The following CELSR1 variants were observed in gnomAD, a reference collection of about 807,000 sequenced individuals.
CELSR1 encodes the protein adhesion G protein-coupled receptor C1.
A neutral mutation model predicts 249.1 loss-of-function variants in CELSR1; 110 were observed. The observed-to-expected ratio is 0.44, with a 90% CI of 0.38 to 0.52. The LOEUF is 0.52. Ranked by LOEUF, CELSR1 falls within the 20% of genes least tolerant of loss-of-function variation. The probability of loss-of-function intolerance (pLI) is 0.00; values close to 1 mark genes in which losing one functional copy is unlikely to be tolerated. For missense variants in CELSR1, 4,109 were observed against 4,296.4 expected (o/e 0.96, Z 1.22); for synonymous variants, 2,113 against 1,900.0 (o/e 1.11, Z -2.92).
Position 46,481,457 on chromosome 22 carries a change from C to A in CELSR1, c.3545-17112G>T, listed in dbSNP as rs532935825. The A allele has an allele frequency of 1.3e-4, 210 of 1,583,146 alleles. No homozygotes were observed. In the African/African-American group the frequency reaches 2.7e-3, roughly 20 times the overall value. ...TTCAACTGAAGCTCCTTACTCCCAG[C>A]ATCTATTGAATCTTTGGCTTTGTCG... On this transcript the variant is annotated intron_variant, in intron 1 of 34. Coordinates refer to ENST00000674500, the MANE Select transcript of CELSR1 (RefSeq NM_001378328.1).
chr22:46,489,324 T>C (rs559811682), intron 1 of CELSR1, among the ~76,000 whole-genome samples: 1 of 151,764 alleles, frequency 6.6e-6, no homozygotes, highest in East Asian at 2.0e-4. Flanking sequence ...GAGGGCACTT[T>C]TGACTATTAA....
At chr22:46,442,116 C>T (rs373032699) in intron 2 of CELSR1, among the ~76,000 whole-genome samples, 47 of 152,326 alleles carry the variant, frequency 3.1e-4, no homozygotes, top group African/African-American at 1.1e-3. Context: ...CCATTGCACT[C>T]CAGCCTGGGC....
intron 19 of CELSR1, among the ~76,000 whole-genome samples, chr22:46,386,103 G>A (rs983376243): frequency 1.3e-5 from 2 of 151,878 alleles, no homozygotes; most frequent in Non-Finnish European, 2.9e-5. Context: ...CTGAGTAGCT[G>A]GGATTACAGG....
At chr22:46,432,851 G>A (rs1213535205) in intron 5 of CELSR1, among the ~76,000 whole-genome samples, 1 of 152,116 alleles carries the variant, frequency 6.6e-6, no homozygotes, top group Non-Finnish European at 1.5e-5. Context: ...CGGGGTCCCT[G>A]TGTACCCCCC....
Position 46,518,546 on chromosome 22 carries a change from A to T in CELSR1, c.3544+15081T>A, listed in dbSNP as rs1010117116. Among the ~76,000 whole-genome samples the T allele has an allele frequency of 2.6e-5, 4 of 152,244 alleles. No homozygotes were observed. The highest frequency in any genetic ancestry group is 4.4e-5 in the Non-Finnish European group (3 of 68,036). ...TGAAGGCAGGCGTGGCAGTGGGTTC[A>T]CTACCCTGCCCCAATGCCCAGTACC... On this transcript the variant is annotated intron_variant, in intron 1 of 34. Coordinates refer to ENST00000674500, the MANE Select transcript of CELSR1 (RefSeq NM_001378328.1). This position sits in a 1 kb window ranked among gnomAD's most constrained non-coding sequence, Gnocchi z 5.2.
In CELSR1 at chr22:46,439,985, G is replaced by A. The variant is rs141891437; in HGVS notation, c.4184-574C>T. ...TCTGGCCACCCCTGGATTCCAACCC[G>A]GTTCTAATCTGGCCCGTCTCGCCCA... On this transcript the variant is annotated intron_variant, in intron 2 of 34. Coordinates refer to ENST00000674500, the MANE Select transcript of CELSR1 (RefSeq NM_001378328.1). Among the ~76,000 whole-genome samples the A allele has an allele frequency of 2.0e-3, 297 of 149,302 alleles. 1 individual carries two copies. The highest frequency in any genetic ancestry group is 0.016 in the South Asian group (74 of 4,498).
Position 46,463,933 on chromosome 22 carries a change from C to T in CELSR1, c.3957G>A (p.Val1319=). The T allele has an allele frequency of 1.2e-6, 2 of 1,614,022 alleles. No homozygotes were observed. The highest frequency in any genetic ancestry group is 1.7e-6 in the Non-Finnish European group (2 of 1,180,028). The part of the protein sequence containing the change: ...REPCENYMKC[V]SVLRFDSSAP... ...CGGAGCTGTCGAATCGCAGAACGGA[C>T]ACGCACTTCATGTAGTTCTCGCAGG... Residue 1319 remains valine (V), a synonymous_variant, in exon 2 of 35, where the codon GTG becomes GTA. Coordinates refer to ENST00000674500, the MANE Select transcript of CELSR1 (RefSeq NM_001378328.1).
chr22:46,416,009 T>C (rs1333123893), intron 5 of CELSR1, among the ~76,000 whole-genome samples: 1 of 151,000 alleles, frequency 6.6e-6, no homozygotes, highest in African/African-American at 2.5e-5. Flanking sequence ...AGCTCCCGAC[T>C]GTGGGGTGGC....
rs527750942 is a variant in CELSR1, at chr22:46,471,502, G to T, written c.3545-7157C>A. Among the ~76,000 whole-genome samples the T allele has an allele frequency of 6.6e-6, 1 of 152,226 alleles. No homozygotes were observed. The highest frequency in any genetic ancestry group is 2.1e-4 in the South Asian group (1 of 4,826). On this transcript the variant is annotated intron_variant, in intron 1 of 34. Coordinates refer to ENST00000674500, the MANE Select transcript of CELSR1 (RefSeq NM_001378328.1). This position sits in a 1 kb window ranked among gnomAD's most constrained non-coding sequence, Gnocchi z 4.9. ...GCTCCTGGGCTCAAGTGATCCTCCT[G>T]CCTCAGCCTCCTGAGAAGCTAGGAC... is the stretch of plus-strand genomic sequence containing the variant.
intron 24 of CELSR1, among the ~76,000 whole-genome samples, chr22:46,373,633 C>T (rs1056673521): frequency 5.4e-5 from 7 of 128,676 alleles, no homozygotes; most frequent in Admixed American, 3.3e-4. Context: ...GGAGGCTGAA[C>T]CAGCCAAATG....
At chr22:46,424,682 T>C (rs540495092) in intron 5 of CELSR1, among the ~76,000 whole-genome samples, 1 of 152,178 alleles carries the variant, frequency 6.6e-6, no homozygotes. Context: ...GTATTAAGAA[T>C]GTCATAAATG....
At chr22:46,378,530 G>C (rs996167159) in intron 23 of CELSR1, 61 bp downstream of exon 23, 6 of 1,519,290 alleles carry the variant, frequency 3.9e-6, no homozygotes, top group African/African-American at 1.4e-5. Context: ...GCAGGTTTGG[G>C]GGGGAGGGGC....
chr22:46,363,942 C>A lies in CELSR1; in HGVS notation c.9035+54G>T. On this transcript the variant is annotated intron_variant, in intron 34 of 34. Coordinates refer to ENST00000674500, the MANE Select transcript of CELSR1 (RefSeq NM_001378328.1). The surrounding 1 kb of genome is among the most constrained non-coding windows in gnomAD (Gnocchi z 4.3). Reference sequence around the variant, plus strand: ...GACCACTGCCCCCTCTCTCTCCTGACTCAGGACAAGGGGGAAGTGGGTGAT... The same window carrying A: ...GACCACTGCCCCCTCTCTCTCCTGAATCAGGACAAGGGGGAAGTGGGTGAT... 1 of 1,502,384 alleles carries A rather than the reference C, an allele frequency of 6.7e-7. No individual in the cohort carries two copies. 93.1% of individuals were successfully genotyped at this position (1,502,384 alleles called of 1,614,324 possible).
chr22:46,364,549 G>T lies in CELSR1; in HGVS notation c.8742C>A (p.Ala2914=). 1 of 1,611,988 alleles carries T rather than the reference G, an allele frequency of 6.2e-7. No individual in the cohort carries two copies. The highest frequency in any genetic ancestry group is 1.1e-5 in the South Asian group (1 of 91,038). The change falls in exon 33 of 35, where the codon GCC becomes GCA. Residue 2914 remains alanine, a synonymous_variant. Coordinates refer to ENST00000674500, the MANE Select transcript of CELSR1 (RefSeq NM_001378328.1). ...YPPDQESGGA[A]RLASSQPPEQ... ...CTGGGGGCTGGCTGCTAGCAAGCCTGGCTGCGCCCCCGCTCTCCTGGTCCG... is the reference window on the plus strand; with the variant it reads ...CTGGGGGCTGGCTGCTAGCAAGCCTTGCTGCGCCCCCGCTCTCCTGGTCCG...
At chr22:46,404,137 C>T (rs190127278) in intron 9 of CELSR1, among the ~76,000 whole-genome samples, 214 of 152,100 alleles carry the variant, frequency 1.4e-3, no homozygotes, top group African/African-American at 4.9e-3. Flanking sequence ...TGAGGCTGGG[C>T]GCGGTGGCTC....
rs201629705 is a variant in CELSR1, at chr22:46,398,589, C to T, written c.5461G>A (p.Val1821Met). The change falls in exon 11 of 35, where the codon GTG becomes ATG. Residue 1821 changes from valine (V) to methionine (M), a missense_variant. Physicochemically the swap from Val to Met is conservative, Grantham distance 21 (BLOSUM62 1). Coordinates refer to ENST00000674500, the MANE Select transcript of CELSR1 (RefSeq NM_001378328.1). The surrounding 1 kb of genome is among the most constrained non-coding windows in gnomAD (Gnocchi z 7.2). ...TCTTCAGAGGCGCCTCCGACCACCA[C>T]GCTCCTTACCGTCAGCCCGGGAAGC... ...GMLPGLTVRS[V>M]VVGGASEDKV... is the part of the protein sequence containing the mutation. 573 of 1,613,934 alleles carry T rather than the reference C, an allele frequency of 3.6e-4. 2 individuals carry two copies. Among genetic ancestry groups the T allele is most frequent in the South Asian group, 5.3e-4 (48 of 91,068 alleles).
chr22:46,417,745 G>A lies in CELSR1; in HGVS notation c.4612-5986C>T, dbSNP rs1334931749. On this transcript the variant is annotated intron_variant, in intron 5 of 34. Transcript: ENST00000674500. This position sits in a 1 kb window ranked among gnomAD's most constrained non-coding sequence, Gnocchi z 4.1. ...AGACTCTTCTAGAAAGGGGGTAAGTGCATAGCTGCTATCTCTAGGGCTGTT... is the reference window on the plus strand; with the variant it reads ...AGACTCTTCTAGAAAGGGGGTAAGTACATAGCTGCTATCTCTAGGGCTGTT... Among the ~76,000 whole-genome samples the A allele has an allele frequency of 1.3e-5, 2 of 152,244 alleles. No individual in the cohort carries two copies. Among genetic ancestry groups the A allele is most frequent in the East Asian group, 3.8e-4 (2 of 5,202 alleles).
At chr22:46,459,897 G>T (rs569091201) in intron 2 of CELSR1, among the ~76,000 whole-genome samples, 1 of 152,078 alleles carries the variant, frequency 6.6e-6, no homozygotes, top group Admixed American at 6.6e-5. Context: ...CAGCAGAGCA[G>T]AGCACCACTA....
rs148175743 is a variant in CELSR1, at chr22:46,507,001, CA to C, written c.3544+26625del. ...CACCTGAGGTCAGGAGCCTGGCCAA[CA>C]CGGTGAAACCCCGACTCTACTAAAA... On this transcript the variant is annotated intron_variant, in intron 1 of 34. Coordinates refer to ENST00000674500, the MANE Select transcript of CELSR1 (RefSeq NM_001378328.1). Among the ~76,000 whole-genome samples the C allele has an allele frequency of 2.7e-3, 408 of 152,242 alleles. 2 individuals are homozygous for C. The highest frequency in any genetic ancestry group is 9.3e-3 in the African/African-American group (386 of 41,544).
Sources: allele counts gnomAD v4.1 joint callset (sites outside exome capture counted in the v4.1 genomes callset), GRCh38; gene constraint gnomAD v4.1.1; non-coding constraint Gnocchi (gnomAD v3.1); transcripts MANE v1.5; gene names NCBI Gene and HGNC (gene_info 2026-07-23, HGNC 2026-07-21).